Variants in PCDH9 observed in about 807,000 individuals in gnomAD.
PCDH9 encodes the protein protocadherin 9.
PCDH9 carries 24 observed loss-of-function variants against 70.6 expected under a neutral mutation model. The observed-to-expected ratio is 0.34, with a 90% CI of 0.25 to 0.48. The LOEUF (loss-of-function observed/expected upper bound fraction) is 0.48, where lower values mean the gene tolerates loss of function less well. Among genes scored for constraint, PCDH9 ranks in the 20% least tolerant of loss-of-function variants. The probability of loss-of-function intolerance (pLI) is 0.99; values close to 1 mark genes in which losing one functional copy is unlikely to be tolerated. For missense variants in PCDH9, 1,281 were observed against 1,503.6 expected (o/e 0.85, Z 2.45); for synonymous variants, 562 against 558.5 (o/e 1.01, Z -0.09).
chr13:66,709,829 T>C (rs1383456120), intron 3 of PCDH9, among the ~76,000 whole-genome samples: 1 of 152,154 alleles, frequency 6.6e-6, no homozygotes, highest in Non-Finnish European at 1.5e-5. Context: ...ACAGAGTATA[T>C]ACTTAACAGA....
chr13:66,527,552 G>GT (rs1365253016), intron 4 of PCDH9, among the ~76,000 whole-genome samples: 2 of 151,898 alleles, frequency 1.3e-5, no homozygotes, highest in Non-Finnish European at 2.9e-5. Flanking sequence ...AGAACTTTTT[G>GT]TTTTTTTGGA....
chr13:67,151,850 C>T (rs1249916219), intron 2 of PCDH9, among the ~76,000 whole-genome samples: 1 of 152,026 alleles, frequency 6.6e-6, no homozygotes, highest in Non-Finnish European at 1.5e-5. Flanking sequence ...CCACCCAATT[C>T]TAGGCCACAC....
At chr13:67,164,098 T>TG (rs2138424464) in intron 2 of PCDH9, among the ~76,000 whole-genome samples, 1 of 152,354 alleles carries the variant, frequency 6.6e-6, no homozygotes, top group South Asian at 2.1e-4. Flanking sequence ...TAAATGTGTG[T>TG]GCACCTTCAC....
intron 4 of PCDH9, among the ~76,000 whole-genome samples, chr13:66,604,529 T>C (rs1434388388): frequency 6.6e-6 from 1 of 152,046 alleles, no homozygotes; most frequent in Non-Finnish European, 1.5e-5. Context: ...TGATTCATTT[T>C]TTCCATCCAA....
chr13:66,433,910 C>T (rs796490099), intron 4 of PCDH9, among the ~76,000 whole-genome samples: 50 of 151,730 alleles, frequency 3.3e-4, no homozygotes, highest in African/African-American at 1.1e-3. Context: ...GTCTTTATTT[C>T]GATGGTGTTG....
chr13:66,654,540 A>T (rs941535699), intron 3 of PCDH9, among the ~76,000 whole-genome samples: 12 of 152,176 alleles, frequency 7.9e-5, no homozygotes, highest in Non-Finnish European at 1.6e-4. Context: ...TCCTGATGTG[A>T]TTATTAAGCA....
intron 2 of PCDH9, among the ~76,000 whole-genome samples, chr13:67,171,445 T>C (rs903400104): frequency 1.8e-4 from 28 of 152,140 alleles, no homozygotes; most frequent in Non-Finnish European, 1.5e-5. Flanking sequence ...TCTGTCAATA[T>C]TGCTGCTAGT....
chr13:67,083,703 T>C (rs951824386), intron 2 of PCDH9, among the ~76,000 whole-genome samples: 1 of 152,182 alleles, frequency 6.6e-6, no homozygotes, highest in African/African-American at 2.4e-5. Flanking sequence ...ATACATTATG[T>C]TAGTACAAGG....
chr13:66,584,434 T>C (rs2076935645), intron 4 of PCDH9, among the ~76,000 whole-genome samples: 1 of 152,144 alleles, frequency 6.6e-6, no homozygotes, highest in Non-Finnish European at 1.5e-5. Context: ...AACCTAGGCA[T>C]TTTATTTTGC....
At chr13:66,518,776 C>T (rs955741131) in intron 4 of PCDH9, among the ~76,000 whole-genome samples, 1 of 152,060 alleles carries the variant, frequency 6.6e-6, no homozygotes, top group Non-Finnish European at 1.5e-5. Context: ...GACCGCAGTG[C>T]TGTTGTTGGG....
chr13:66,982,095 T>C (rs2083784375), intron 2 of PCDH9, among the ~76,000 whole-genome samples: 1 of 152,142 alleles, frequency 6.6e-6, no homozygotes, highest in East Asian at 1.9e-4. Flanking sequence ...TCTGCTCCTT[T>C]AAAGGCATGT....
chr13:66,941,456 A>C (rs1469707156), intron 2 of PCDH9, among the ~76,000 whole-genome samples: 1 of 151,820 alleles, frequency 6.6e-6, no homozygotes, highest in Non-Finnish European at 1.5e-5. Flanking sequence ...AAAAAGGCAG[A>C]GACATCCATA....
At chr13:66,600,718 T>C (rs531333348) in intron 4 of PCDH9, among the ~76,000 whole-genome samples, 1 of 146,702 alleles carries the variant, frequency 6.8e-6, no homozygotes, top group Non-Finnish European at 1.5e-5. Context: ...TCTTATGTAT[T>C]CATAAAAATG....
At chr13:67,127,734 T>A (rs958282254) in intron 2 of PCDH9, among the ~76,000 whole-genome samples, 1 of 151,086 alleles carries the variant, frequency 6.6e-6, no homozygotes, top group African/African-American at 2.4e-5. Flanking sequence ...ATATATATAT[T>A]TTTTTCTTTC....
Position 66,659,541 on chromosome 13 carries a change from G to GTC in PCDH9, c.3139-28131_3139-28130insGA, listed in dbSNP as rs1286481442. ...TTATCCCTCCACTTAAGTTATGTTT[G>GTC]TGTGTGTGTGTTTGTGTGTGTTTGG... On this transcript the variant is annotated intron_variant, in intron 3 of 4. Transcript: ENST00000377865. Among the ~76,000 whole-genome samples the GTC allele has an allele frequency of 3.3e-3, 494 of 151,916 alleles. 3 individuals carry two copies. The highest frequency in any genetic ancestry group is 0.011 in the African/African-American group (472 of 41,456).
At chr13:66,746,482 G>C (rs1017505285) in intron 3 of PCDH9, among the ~76,000 whole-genome samples, 2 of 151,902 alleles carry the variant, frequency 1.3e-5, no homozygotes, top group African/African-American at 4.8e-5. Context: ...CAGATAACCA[G>C]ACAGAGAACT....
At chr13:67,013,307 A>G (rs1766069442) in intron 2 of PCDH9, among the ~76,000 whole-genome samples, 1 of 149,932 alleles carries the variant, frequency 6.7e-6, no homozygotes, top group Admixed American at 6.7e-5. Context: ...AATCCTACAC[A>G]TATTTCCCCT....
intron 2 of PCDH9, among the ~76,000 whole-genome samples, chr13:66,971,822 A>T (rs939971334): frequency 2.6e-5 from 4 of 151,972 alleles, no homozygotes; most frequent in Admixed American, 6.6e-5. Flanking sequence ...TTAGTTAAAG[A>T]AATAAAAATA....
At chr13:66,803,021 G>A (rs1189606359) in intron 3 of PCDH9, among the ~76,000 whole-genome samples, 1 of 152,034 alleles carries the variant, frequency 6.6e-6, no homozygotes, top group African/African-American at 2.4e-5. Context: ...TCTAGAATTT[G>A]AGTTATTAAA....
Sources: allele counts gnomAD v4.1 joint callset (sites outside exome capture counted in the v4.1 genomes callset), GRCh38; gene constraint gnomAD v4.1.1; transcripts MANE v1.5; gene names NCBI Gene and HGNC (gene_info 2026-07-23, HGNC 2026-07-21).